The following TOM1 variants were observed in gnomAD, a reference collection of about 807,000 sequenced individuals.
TOM1 encodes the protein target of myb1 membrane trafficking protein.
In TOM1, 38 loss-of-function variants were observed where a neutral mutation model predicts 61.3. The ratio of observed to expected loss-of-function variants is 0.62; its 90% CI spans 0.48 to 0.81. TOM1 has a LOEUF of 0.81. TOM1 is among the 40% of genes least tolerant of loss of function. TOM1 has a pLI of 0.00. For missense variants in TOM1, 591 were observed against 659.6 expected (o/e 0.90, Z 1.14); for synonymous variants, 270 against 268.8 (o/e 1.00, Z -0.04).
At chr22:35,343,736 C>CACACCTACACACACGCCACATGCATCT (rs1930222094) in intron 12 of TOM1, among the ~76,000 whole-genome samples, 1 of 138,466 alleles carries the variant, frequency 7.2e-6, no homozygotes, top group African/African-American at 2.8e-5. Context: ...CTACACCCAC[C>CACACCTACACACACGCCACATGCATCT]ACACCTACAC....
chr22:35,310,062 A>G (rs928437224), intron 1 of TOM1, among the ~76,000 whole-genome samples: 2 of 152,254 alleles, frequency 1.3e-5, no homozygotes, highest in African/African-American at 2.4e-5. Context: ...GTACAGTAAT[A>G]GAAATACAGT....
intron 12 of TOM1, among the ~76,000 whole-genome samples, chr22:35,342,948 C>A (rs1417123029): frequency 8.8e-6 from 1 of 113,194 alleles, no homozygotes; most frequent in African/African-American, 3.9e-5. Flanking sequence ...CATACACCTA[C>A]ACACACCCCT....
intron 1 of TOM1, among the ~76,000 whole-genome samples, chr22:35,306,625 A>T (rs1259283383): frequency 6.6e-6 from 1 of 152,198 alleles, no homozygotes; most frequent in Admixed American, 6.5e-5. Context: ...TACAATGAGG[A>T]TAATAATAGC....
intron 1 of TOM1, among the ~76,000 whole-genome samples, chr22:35,316,652 A>T (rs1184467609): frequency 6.6e-6 from 1 of 152,258 alleles, no homozygotes; most frequent in East Asian, 1.9e-4. Context: ...TACCCTAGGA[A>T]CTGCCACAAA....
At chr22:35,320,460 G>C (rs1239437507) in intron 2 of TOM1, among the ~76,000 whole-genome samples, 1 of 152,038 alleles carries the variant, frequency 6.6e-6, no homozygotes, top group African/African-American at 2.4e-5. Context: ...TGACCCCTAG[G>C]CTTCTTCAGC....
intron 3 of TOM1, chr22:35,322,479 G>A (rs1927882058): frequency 5.3e-6 from 1 of 190,338 alleles, no homozygotes; most frequent in Non-Finnish European, 1.1e-5. Flanking sequence ...TCTCAGGGCG[G>A]CCAGACACAC....
chr22:35,331,183 C>A (rs1349780715), intron 8 of TOM1: 2 of 380,072 alleles, frequency 5.3e-6, no homozygotes, highest in East Asian at 8.0e-5. Flanking sequence ...GCAGCCTCAA[C>A]CTCCTGGGCT....
In TOM1 at chr22:35,317,707, A is replaced by T. The variant is rs542872506; in HGVS notation, c.53-170A>T. Among the ~76,000 whole-genome samples the T allele has an allele frequency of 9.9e-5, 15 of 152,026 alleles. No individual in the cohort carries two copies. The East Asian group carries it at 1.2e-3, about 12-fold the overall frequency. On this transcript the variant is annotated intron_variant, in intron 1 of 14. Coordinates refer to ENST00000449058, the MANE Select transcript of TOM1 (RefSeq NM_005488.3). ...ACAAGAATCTAGTGACGATGGGACA[A>T]TGTGTATAGAGCAGTCTCACACAGG...
At position 35,347,078 on chromosome 22, in the gene TOM1, C is replaced by T. The variant is rs776007349; in HGVS notation, c.1348C>T (p.Arg450Trp). 7 of 1,593,652 alleles carry T rather than the reference C, an allele frequency of 4.4e-6. No homozygotes were observed. Among genetic ancestry groups the T allele is most frequent in the South Asian group, 2.2e-5 (2 of 90,702 alleles). The change falls in exon 15 of 15, where the codon CGG (arginine) becomes TGG (tryptophan). Residue 450 changes from arginine to tryptophan, a missense_variant. By Grantham distance (101) the Arg-to-Trp change is moderately radical (BLOSUM62 -3). Transcript: ENST00000449058. ...AGAATTTGACAAATTCCTGGAAGAA[C>T]GGGCCAAAGCCGCGGACCGATTGCC... ...SEEFDKFLEERAKAADRLPNL... is the reference protein window; with the variant it reads ...SEEFDKFLEEWAKAADRLPNL...
rs1926138141 is a variant in TOM1 at position 35,304,467 on chromosome 22, C to A, written c.52+4487C>A. ...TCTCTGCAGACAAATCTTACTGGATCTGTTTTGTTTTTTGTTTTTTGTTTT... is the reference window on the plus strand; with the variant it reads ...TCTCTGCAGACAAATCTTACTGGATATGTTTTGTTTTTTGTTTTTTGTTTT... On this transcript the variant is annotated intron_variant, in intron 1 of 14. Transcript: ENST00000449058. Among the ~76,000 whole-genome samples the A allele has an allele frequency of 2.0e-5, 3 of 152,152 alleles. No individual in the cohort carries two copies. In the South Asian group the frequency reaches 6.2e-4, roughly 32 times the overall value.
intron 1 of TOM1, among the ~76,000 whole-genome samples, chr22:35,317,267 G>A (rs1344496724): frequency 2.6e-5 from 4 of 152,088 alleles, no homozygotes; most frequent in Non-Finnish European, 5.9e-5. Flanking sequence ...CAATCTCTTT[G>A]CAACCTCCGC....
At chr22:35,316,306 G>A (rs1458822449) in intron 1 of TOM1, among the ~76,000 whole-genome samples, 1 of 152,264 alleles carries the variant, frequency 6.6e-6, no homozygotes. Context: ...ACCAGCCAGA[G>A]TGATGTGTGT....
intron 12 of TOM1, among the ~76,000 whole-genome samples, chr22:35,342,734 C>A (rs74209384): frequency 6.6e-6 from 1 of 151,156 alleles, no homozygotes; most frequent in Non-Finnish European, 1.5e-5. Flanking sequence ...ACACACCACA[C>A]CTCCACCCAT....
chr22:35,317,103 T>C (rs1468720283), intron 1 of TOM1, among the ~76,000 whole-genome samples: 1 of 152,178 alleles, frequency 6.6e-6, no homozygotes, highest in Non-Finnish European at 1.5e-5. Flanking sequence ...CAGAGATAGA[T>C]TTACCTAGCT....
intron 1 of TOM1, 99 bp from the exon 2 acceptor site, chr22:35,317,778 A>ATCTC (rs1927426221): frequency 1.2e-6 from 1 of 827,900 alleles, no homozygotes. Context: ...CCTCCTCCCC[A>ATCTC]TCTCATCCGG....
chr22:35,301,027 C>T (rs1421481708), intron 1 of TOM1, among the ~76,000 whole-genome samples: 1 of 134,510 alleles, frequency 7.4e-6, no homozygotes, highest in Non-Finnish European at 1.5e-5. Context: ...GCCTGGGCAA[C>T]ATGGCGAGAC....
intron 1 of TOM1, among the ~76,000 whole-genome samples, chr22:35,313,192 C>A (rs1271665335): frequency 6.6e-6 from 1 of 152,034 alleles, no homozygotes. Flanking sequence ...ACTAAAAATA[C>A]AAAACTTAGC....
In TOM1 at chr22:35,317,915, G is replaced by GC. The variant is rs1569023979; in HGVS notation, c.94dup (p.Leu32ProfsTer31). 1 of 1,614,176 alleles carries GC rather than the reference G, an allele frequency of 6.2e-7. No individual in the cohort carries two copies. Among genetic ancestry groups the GC allele is most frequent in the East Asian group, 2.2e-5 (1 of 44,882 alleles). ...TGGCTCCCTGCAGAGCGAGGACTGG[G>GC]CCCTCAACATGGAGATCTGCGACAT... On this transcript the variant is annotated frameshift_variant, in exon 2 of 15. Transcript: ENST00000449058. LOFTEE classifies it high-confidence loss of function.
intron 1 of TOM1, among the ~76,000 whole-genome samples, chr22:35,317,288 C>G (rs2145639409): frequency 6.6e-6 from 1 of 152,218 alleles, no homozygotes; most frequent in Admixed American, 6.5e-5. Flanking sequence ...CTCCTGGGAT[C>G]AAACGATTCT....
Sources: gnomAD v4.1 joint callset for allele counts (sites outside exome capture counted in the v4.1 genomes callset) on GRCh38, gnomAD v4.1.1 for gene constraint, MANE v1.5 for transcripts, NCBI Gene and HGNC (gene_info 2026-07-23, HGNC 2026-07-21) for gene names.